The following HSPA12A variants were observed in gnomAD, a reference collection of about 807,000 sequenced individuals.
HSPA12A encodes the protein heat shock 70 kDa protein 12A.
HSPA12A carries 28 observed loss-of-function variants against 69.2 expected under a neutral mutation model. The observed-to-expected ratio is 0.40, with a 90% CI of 0.30 to 0.55. The LOEUF (loss-of-function observed/expected upper bound fraction) is 0.55, where lower values mean the gene tolerates loss of function less well. HSPA12A is among the 20% of genes least tolerant of loss of function. The pLI, the probability that HSPA12A is intolerant of heterozygous loss-of-function variation, is 0.38. For synonymous variants in HSPA12A, 345 were observed against 370.5 expected, an observed-to-expected ratio of 0.93 and a Z score of 0.79; for missense variants, 686 against 900.7, an observed-to-expected ratio of 0.76 and a Z score of 3.05.
intron 1 of HSPA12A, among the ~76,000 whole-genome samples, chr10:116,726,237 C>T (rs1381510198): frequency 4.6e-5 from 7 of 152,084 alleles, no homozygotes; most frequent in African/African-American, 1.7e-4. Flanking sequence ...GCAGAATCTG[C>T]ACCCATGACC....
At position 116,801,823 on chromosome 10, in the gene HSPA12A, G is replaced by A. The variant is rs190694160; in HGVS notation, c.91+33112C>T. Among the ~76,000 whole-genome samples, 10 of 152,176 alleles carry A rather than the reference G, an allele frequency of 6.6e-5. No individual in the cohort carries two copies. In the East Asian group the frequency reaches 9.7e-4, roughly 15 times the overall value. ...AGTATTGTACCAAAGGCAATCTCCT[G>A]GCTTTGATCTTTGTCCTGTGGTTAG... On this transcript the variant is annotated intron_variant, in intron 2 of 12. Transcript: ENST00000635765.
At chr10:116,805,462 A>C (rs534385948) in intron 2 of HSPA12A, among the ~76,000 whole-genome samples, 1 of 152,212 alleles carries the variant, frequency 6.6e-6, no homozygotes, top group Non-Finnish European at 1.5e-5. Flanking sequence ...ATTTTCCTTA[A>C]CAATGATGGG....
At chr10:116,697,854 C>T (rs2907229) in intron 5 of HSPA12A, among the ~76,000 whole-genome samples, 31,495 of 134,128 alleles carry the variant, frequency 0.23, 3,313 homozygotes, top group South Asian at 0.36. Flanking sequence ...TGCAGCCCTG[C>T]GCAGAAAAAG....
chr10:116,842,794 G>A (rs915779188), intron 1 of HSPA12A, among the ~76,000 whole-genome samples: 1 of 151,966 alleles, frequency 6.6e-6, no homozygotes, highest in East Asian at 1.9e-4. Context: ...ATAAAGTCGG[G>A]GTTTCACCAT....
rs1032220581 is a variant in HSPA12A, at chr10:116,686,751, T to C, written c.664-2789A>G. Among the ~76,000 whole-genome samples the C allele has an allele frequency of 6.7e-6, 1 of 149,590 alleles. No homozygotes were observed. Among genetic ancestry groups the C allele is most frequent in the Non-Finnish European group, 1.5e-5 (1 of 67,432 alleles). On this transcript the variant is annotated intron_variant, in intron 6 of 11. Transcript: ENST00000369209. The surrounding 1 kb of genome is among the most constrained non-coding windows in gnomAD (Gnocchi z 4.1). ...CCTCTTCCCACACTGTAAGTCCCAC[T>C]CCTCATCCCTCTTCCCACACCATAA... is the stretch of plus-strand genomic sequence containing the variant.
At chr10:116,720,198 C>T (rs564226076) in intron 1 of HSPA12A, among the ~76,000 whole-genome samples, 1 of 152,226 alleles carries the variant, frequency 6.6e-6, no homozygotes, top group Non-Finnish European at 1.5e-5. Flanking sequence ...TGTCCCCCTG[C>T]CTTCAGGAGC....
chr10:116,823,800 G>A (rs1162391686), intron 2 of HSPA12A, among the ~76,000 whole-genome samples: 2 of 152,146 alleles, frequency 1.3e-5, no homozygotes, highest in African/African-American at 4.8e-5. Flanking sequence ...ACTCTTATGA[G>A]AGGAAAGAAG....
intron 2 of HSPA12A, among the ~76,000 whole-genome samples, chr10:116,778,937 C>G (rs1844402200): frequency 6.6e-6 from 1 of 152,014 alleles, no homozygotes; most frequent in Non-Finnish European, 1.5e-5. Context: ...TGTCTCAAAA[C>G]AACAACAACA....
intron 2 of HSPA12A, among the ~76,000 whole-genome samples, chr10:116,781,600 A>G (rs1006965891): frequency 5.9e-5 from 9 of 152,158 alleles, no homozygotes; most frequent in Admixed American, 6.5e-5. Context: ...GTTTCTCAGG[A>G]AGCCTTTTTC....
At chr10:116,832,163 A>T (rs11814014) in intron 2 of HSPA12A, 10,023 of 151,948 alleles carry the variant, frequency 0.066, 1,062 homozygotes, top group African/African-American at 0.22. Context: ...AAAAGGGTTG[A>T]TTTTGTTTTT....
intron 1 of HSPA12A, among the ~76,000 whole-genome samples, chr10:116,735,212 G>T (rs1851278390): frequency 6.6e-6 from 1 of 152,202 alleles, no homozygotes; most frequent in Non-Finnish European, 1.5e-5. Context: ...TAACCTACAA[G>T]TTGCTTTAAA....
At chr10:116,814,686 A>G (rs142818240) in intron 2 of HSPA12A, among the ~76,000 whole-genome samples, 8 of 152,314 alleles carry the variant, frequency 5.3e-5, no homozygotes, top group African/African-American at 1.9e-4. Context: ...GCTCAGAGCC[A>G]AAAGAGAAAG....
intron 1 of HSPA12A, among the ~76,000 whole-genome samples, chr10:116,726,033 A>G (rs1213699662): frequency 2.0e-5 from 3 of 146,694 alleles, no homozygotes; most frequent in Non-Finnish European, 3.0e-5. Flanking sequence ...ACACGCACAC[A>G]CACACACACA....
intron 2 of HSPA12A, among the ~76,000 whole-genome samples, chr10:116,796,163 A>AAAAAAAAAAAAAAAAAAAAAG (rs1414051045): frequency 7.2e-6 from 1 of 138,888 alleles, no homozygotes; most frequent in African/African-American, 3.1e-5. Flanking sequence ...AAAAAAAAAA[A>AAAAAAAAAAAAAAAAAAAAAG]AAAGAAAGAA....
chr10:116,707,677 T>G (rs935011585), intron 1 of HSPA12A, among the ~76,000 whole-genome samples: 58 of 152,200 alleles, frequency 3.8e-4, no homozygotes, highest in African/African-American at 1.4e-3. Context: ...GTCAAATTTT[T>G]GTGTGCATTT....
chr10:116,684,945 A>G (rs1849532185), intron 6 of HSPA12A, among the ~76,000 whole-genome samples: 1 of 152,176 alleles, frequency 6.6e-6, no homozygotes, highest in Non-Finnish European at 1.5e-5. Context: ...CTGGGCCTCT[A>G]ACCAGGTCCC....
At chr10:116,691,581 G>A (rs1323693378) in intron 6 of HSPA12A, among the ~76,000 whole-genome samples, 1 of 152,188 alleles carries the variant, frequency 6.6e-6, no homozygotes, top group African/African-American at 2.4e-5. Flanking sequence ...CCAGGCGTGG[G>A]TGTTCATACG....
chr10:116,832,695 A>C (rs901883754), intron 2 of HSPA12A: 1 of 152,214 alleles, frequency 6.6e-6, no homozygotes, highest in Non-Finnish European at 1.5e-5. Flanking sequence ...GTCTTCACTC[A>C]GTAGCTCACC....
chr10:116,822,867 A>G (rs944738914), intron 2 of HSPA12A, among the ~76,000 whole-genome samples: 3 of 152,192 alleles, frequency 2.0e-5, no homozygotes, highest in African/African-American at 4.8e-5. Flanking sequence ...AAGAATATGC[A>G]ATGGAAAGGG....
Sources: allele counts gnomAD v4.1 joint callset (sites outside exome capture counted in the v4.1 genomes callset), GRCh38; gene constraint gnomAD v4.1.1; non-coding constraint Gnocchi (gnomAD v3.1); transcripts MANE v1.5; gene names NCBI Gene and HGNC (gene_info 2026-07-23, HGNC 2026-07-21).